The following CENPC variants were observed in gnomAD, a reference collection of about 807,000 sequenced individuals.
CENPC encodes CENP-C 1.
In CENPC, 63 loss-of-function variants were observed where a neutral mutation model predicts 112.1. That is an observed-to-expected ratio of 0.56 (90% CI 0.46 to 0.69). The LOEUF (loss-of-function observed/expected upper bound fraction) is 0.69, where lower values mean the gene tolerates loss of function less well. Ranked by LOEUF, CENPC falls within the 30% of genes least tolerant of loss-of-function variation. CENPC has a pLI of 0.00. For synonymous variants in CENPC, 333 were observed against 367.6 expected (o/e 0.91, Z 1.08); for missense variants, 1,000 against 1,103.8 (o/e 0.91, Z 1.33).
chr4:67,521,240 A>T (rs1726220826), intron 5 of CENPC, among the ~76,000 whole-genome samples: 1 of 150,606 alleles, frequency 6.6e-6, no homozygotes, highest in South Asian at 2.1e-4. Flanking sequence ...TGATCAATAG[A>T]CATAAATGAG....
chr4:67,514,811 T>C, intron 7 of CENPC, 124 bp from the exon 8 acceptor site: 1 of 969,150 alleles, frequency 1.0e-6, no homozygotes, highest in African/African-American at 1.6e-5. Flanking sequence ...CTCCTCAATT[T>C]TCCCTTAATC....
At chr4:67,488,994 C>A (rs1470499632) in intron 17 of CENPC, among the ~76,000 whole-genome samples, 1 of 151,822 alleles carries the variant, frequency 6.6e-6, no homozygotes, top group Non-Finnish European at 1.5e-5. Flanking sequence ...CAAAGAGAAT[C>A]ATTCTGACTG....
intron 12 of CENPC, among the ~76,000 whole-genome samples, chr4:67,496,255 C>T (rs1311293276): frequency 6.6e-6 from 1 of 152,158 alleles, no homozygotes; most frequent in Non-Finnish European, 1.5e-5. Context: ...ATGTCCAACC[C>T]ATTTGAACTT....
At chr4:67,493,842 A>C (rs528345019) in intron 14 of CENPC, 42 bp downstream of exon 14, 3 of 1,390,836 alleles carry the variant, frequency 2.2e-6, no homozygotes, top group Admixed American at 3.7e-5. Context: ...CATAGTAAAC[A>C]AATTTTTTAT....
Position 67,474,990 on chromosome 4 carries a change from A to G in CENPC, c.2671-12T>C. On this transcript the variant is annotated splice_polypyrimidine_tract_variant and intron_variant, in intron 17 of 18. Transcript: ENST00000273853. ...TTAACATAAAAAACCTGTAAAAATA[A>G]AAATAAAAATCTCATTCAAAACTGA... 2 of 1,409,208 alleles carry G rather than the reference A, an allele frequency of 1.4e-6. No homozygotes were observed. The highest frequency in any genetic ancestry group is 1.9e-6 in the Non-Finnish European group (2 of 1,033,492). 87.3% of individuals were successfully genotyped at this position (1,409,208 alleles called of 1,614,324 possible).
intron 12 of CENPC, among the ~76,000 whole-genome samples, chr4:67,500,343 T>C (rs970465661): frequency 6.6e-6 from 1 of 152,226 alleles, no homozygotes; most frequent in Non-Finnish European, 1.5e-5. Context: ...ATATGGTGTG[T>C]ACATATGTGT....
Position 67,470,939 on chromosome 4 carries a change from A to G in CENPC, c.*1666T>C, listed in dbSNP as rs2109753204. 6.6e-6 allele frequency: 1 copy of G among 152,466 alleles called. No homozygotes were observed. Among genetic ancestry groups the G allele is most frequent in the African/African-American group, 2.4e-5 (1 of 41,564 alleles). 9.4% of individuals were successfully genotyped at this position (152,466 alleles called of 1,614,324 possible). A position where few individuals can be genotyped will look rare whatever the true frequency, so the allele number is the denominator to read the frequency against. On this transcript the variant is annotated 3_prime_UTR_variant, in exon 19 of 19. Transcript: ENST00000273853. Reference sequence around the variant, plus strand: ...AGGTCCTGGAAACAGAAGGGCAGAAAAGGGTAACATGAGCTCTCCAAACAT... The same window carrying G: ...AGGTCCTGGAAACAGAAGGGCAGAAGAGGGTAACATGAGCTCTCCAAACAT...
At chr4:67,537,661 T>A (rs1049977001) in intron 4 of CENPC, among the ~76,000 whole-genome samples, 2 of 152,050 alleles carry the variant, frequency 1.3e-5, no homozygotes. Flanking sequence ...GGTGTGGAGA[T>A]GGGCGCCTGT....
intron 17 of CENPC, among the ~76,000 whole-genome samples, chr4:67,489,293 G>A (rs190649315): frequency 2.8e-3 from 426 of 151,752 alleles, no homozygotes; most frequent in Admixed American, 5.9e-3. Flanking sequence ...TGGAAGAAAG[G>A]AGATAAAGAG....
chr4:67,528,962 C>T (rs893459655), intron 5 of CENPC, among the ~76,000 whole-genome samples: 2 of 152,076 alleles, frequency 1.3e-5, no homozygotes, highest in African/African-American at 2.4e-5. Flanking sequence ...TTAATTTATC[C>T]GTATCTTCAA....
chr4:67,545,121 TGAC>T lies in CENPC; in HGVS notation c.18+214_18+216del, dbSNP rs1377369758. 2.6e-5 allele frequency among the ~76,000 whole-genome samples: 4 copies of T among 152,148 alleles called. 1 individual carries two copies. In the South Asian group the frequency reaches 6.2e-4, roughly 24 times the overall value. The stretch of plus-strand genomic sequence containing the variant: ...GAGTAAGACGTAGGCACAGACGAAA[TGAC>T]GACATGAAAACTTAAGAAATAATAA... On this transcript the variant is annotated intron_variant, in intron 1 of 18. Transcript: ENST00000273853.
At chr4:67,518,757 C>T (rs976332720) in intron 6 of CENPC, among the ~76,000 whole-genome samples, 11 of 152,132 alleles carry the variant, frequency 7.2e-5, no homozygotes, top group Admixed American at 6.6e-5. Flanking sequence ...ACACTCATTA[C>T]AGAGATCTCC....
intron 16 of CENPC, among the ~76,000 whole-genome samples, chr4:67,490,859 T>TAGAAATATAGATATAGAA (rs1439927764): frequency 4.9e-5 from 1 of 20,204 alleles, no homozygotes; most frequent in Non-Finnish European, 1.3e-4. Context: ...TATATATATA[T>TAGAAATATAGATATAGAA]ATATATATAT....
intron 12 of CENPC, among the ~76,000 whole-genome samples, chr4:67,500,712 T>C (rs563326750): frequency 6.6e-6 from 1 of 152,216 alleles, no homozygotes; most frequent in African/African-American, 2.4e-5. Context: ...CATACTGATA[T>C]AAATAAAAAG....
chr4:67,489,320 G>T (rs1725176495), intron 17 of CENPC, among the ~76,000 whole-genome samples: 1 of 151,836 alleles, frequency 6.6e-6, no homozygotes, highest in African/African-American at 2.4e-5. Context: ...GGAGAAGATA[G>T]AAACTGACTC....
chr4:67,479,396 A>G (rs1724894073), intron 17 of CENPC, among the ~76,000 whole-genome samples: 1 of 152,232 alleles, frequency 6.6e-6, no homozygotes, highest in South Asian at 2.1e-4. Flanking sequence ...GTCGAATAAA[A>G]TTGGAAGTCA....
intron 5 of CENPC, among the ~76,000 whole-genome samples, chr4:67,520,547 AACCAGAACCCCACACAAG>A (rs1726195407): frequency 6.6e-6 from 1 of 152,174 alleles, no homozygotes; most frequent in South Asian, 2.1e-4. Context: ...AGCAGCTTCT[AACCAGAACCCCACACAAG>A]TGAACATGGA....
chr4:67,496,134 C>A (rs1443484207), intron 12 of CENPC, among the ~76,000 whole-genome samples: 1 of 152,162 alleles, frequency 6.6e-6, no homozygotes, highest in Non-Finnish European at 1.5e-5. Flanking sequence ...GTGAGGAAAC[C>A]TCATGTGGCC....
At chr4:67,524,745 C>A (rs1015303438) in intron 5 of CENPC, among the ~76,000 whole-genome samples, 1 of 152,088 alleles carries the variant, frequency 6.6e-6, no homozygotes, top group African/African-American at 2.4e-5. Flanking sequence ...GTGAAAATGG[C>A]CACACTGTGC....
Sources: allele counts gnomAD v4.1 joint callset (sites outside exome capture counted in the v4.1 genomes callset), GRCh38; gene constraint gnomAD v4.1.1; transcripts MANE v1.5; gene names NCBI Gene and HGNC (gene_info 2026-07-23, HGNC 2026-07-21).